Variants in CCDC171 observed in about 807,000 individuals in gnomAD.
CCDC171 encodes coiled-coil domain-containing protein 171.
A neutral mutation model predicts 168.2 loss-of-function variants in CCDC171; 177 were observed. The ratio of observed to expected loss-of-function variants is 1.05; its 90% CI spans 0.93 to 1.19. The LOEUF (loss-of-function observed/expected upper bound fraction) is 1.19. Ranked by LOEUF, CCDC171 falls within the 50% of genes most tolerant of loss-of-function variation. The pLI is 0.00. For missense variants in CCDC171, 1,991 were observed against 1,539.0 expected (o/e 1.29, Z -4.91); for synonymous variants, 687 against 540.8 (o/e 1.27, Z -3.75).
intron 23 of CCDC171, among the ~76,000 whole-genome samples, chr9:15,862,743 T>G (rs1033597910): frequency 6.6e-6 from 1 of 152,172 alleles, no homozygotes; most frequent in East Asian, 1.9e-4. Context: ...CAAACTTCTG[T>G]GTTAGTCCAA....
At chr9:15,796,896 G>A (rs927918245) in intron 21 of CCDC171, among the ~76,000 whole-genome samples, 2 of 152,196 alleles carry the variant, frequency 1.3e-5, no homozygotes, top group Non-Finnish European at 2.9e-5. Flanking sequence ...AGAAACCAGT[G>A]GGTGACTAGC....
chr9:15,726,092 A>G (rs988326929), intron 14 of CCDC171, among the ~76,000 whole-genome samples: 9 of 152,200 alleles, frequency 5.9e-5, no homozygotes, highest in African/African-American at 1.7e-4. Context: ...ATGAACATGA[A>G]TGCCAAGAGA....
At chr9:15,609,300 G>A (rs1467349933) in intron 6 of CCDC171, among the ~76,000 whole-genome samples, 6 of 151,902 alleles carry the variant, frequency 3.9e-5, no homozygotes. Context: ...GTAGAGACGG[G>A]GTTTCACCAT....
intron 3 of CCDC171, among the ~76,000 whole-genome samples, chr9:15,993,627 C>T (rs1030080570): frequency 1.3e-5 from 2 of 152,120 alleles, no homozygotes; most frequent in African/African-American, 4.8e-5. Flanking sequence ...TTCTGCACAG[C>T]AAAAGAAACT....
intron 11 of CCDC171, among the ~76,000 whole-genome samples, chr9:15,713,504 A>G (rs190133494): frequency 1.3e-5 from 2 of 152,304 alleles, no homozygotes; most frequent in Admixed American, 1.3e-4. Flanking sequence ...GCTCTTGTGT[A>G]TGCCAAAATT....
chr9:15,586,004 C>T (rs923103458), intron 4 of CCDC171, among the ~76,000 whole-genome samples: 1 of 152,022 alleles, frequency 6.6e-6, no homozygotes, highest in African/African-American at 2.4e-5. Context: ...ACTCCTTGAA[C>T]AGTACACTAA....
At chr9:15,796,380 C>T (rs571525537) in intron 21 of CCDC171, among the ~76,000 whole-genome samples, 31 of 151,988 alleles carry the variant, frequency 2.0e-4, no homozygotes, top group Non-Finnish European at 3.2e-4. Context: ...AAGTAGAGTA[C>T]CATAAGCACC....
intron 6 of CCDC171, among the ~76,000 whole-genome samples, chr9:16,032,716 C>G (rs1230640936): frequency 6.6e-6 from 1 of 152,104 alleles, no homozygotes; most frequent in East Asian, 1.9e-4. Context: ...CTCCTGGGCT[C>G]GAGTGATCCT....
intron 21 of CCDC171, among the ~76,000 whole-genome samples, chr9:15,813,318 T>C (rs1171011047): frequency 2.6e-5 from 4 of 152,180 alleles, no homozygotes; most frequent in Non-Finnish European, 4.4e-5. Context: ...TTAAAGATAG[T>C]GGAACTACAA....
chr9:15,555,118 C>A (rs1301939821), intron 1 of CCDC171, among the ~76,000 whole-genome samples: 1 of 152,112 alleles, frequency 6.6e-6, no homozygotes, highest in Non-Finnish European at 1.5e-5. Flanking sequence ...GCCTTTCTGG[C>A]TGGCACCTCC....
At chr9:15,841,372 G>A (rs952371511) in intron 21 of CCDC171, among the ~76,000 whole-genome samples, 5 of 152,048 alleles carry the variant, frequency 3.3e-5, no homozygotes, top group Admixed American at 6.6e-5. Context: ...ATGTAGAAGT[G>A]TAATTATTAA....
At chr9:15,567,025 TC>T (rs2039789701) in intron 2 of CCDC171, among the ~76,000 whole-genome samples, 1 of 130,236 alleles carries the variant, frequency 7.7e-6, no homozygotes, top group Admixed American at 9.1e-5. Context: ...GATCTACATG[TC>T]CTTTTTTTTT....
At chr9:16,053,739 A>G (rs746419632) in intron 1 of CCDC171, among the ~76,000 whole-genome samples, 4 of 152,162 alleles carry the variant, frequency 2.6e-5, no homozygotes, top group Non-Finnish European at 5.9e-5. Flanking sequence ...TGAGTCTGGC[A>G]CCTCAAGATG....
intron 3 of CCDC171, among the ~76,000 whole-genome samples, chr9:15,986,656 C>G (rs931162042): frequency 6.6e-6 from 1 of 152,166 alleles, no homozygotes; most frequent in Non-Finnish European, 1.5e-5. Context: ...GAGATGGAGA[C>G]CAACTTACTG....
chr9:15,806,386 C>G (rs2059078597), intron 21 of CCDC171, among the ~76,000 whole-genome samples: 1 of 152,036 alleles, frequency 6.6e-6, no homozygotes, highest in Admixed American at 6.6e-5. Context: ...TTTTCTTTTC[C>G]ATATTTAGTG....
At position 15,750,039 on chromosome 9, in the gene CCDC171, G is replaced by GTT. The variant is rs141719913; in HGVS notation, c.2671+4418_2671+4419dup. The stretch of plus-strand genomic sequence containing the variant: ...AAAAAAATCAGTGAATCCAGGAGCT[G>GTT]TTTTTTTTTTTAAAAGATCAACAAA... On this transcript the variant is annotated intron_variant, in intron 18 of 25. Coordinates refer to ENST00000380701, the MANE Select transcript of CCDC171 (RefSeq NM_173550.4). 2.5e-3 allele frequency among the ~76,000 whole-genome samples: 360 copies of GTT among 146,328 alleles called. 1 individual carries two copies. Among genetic ancestry groups the GTT allele is most frequent in the South Asian group, 5.4e-3 (25 of 4,598 alleles).
At chr9:15,681,721 T>C (rs1392429373) in intron 10 of CCDC171, among the ~76,000 whole-genome samples, 1 of 152,234 alleles carries the variant, frequency 6.6e-6, no homozygotes, top group South Asian at 2.1e-4. Flanking sequence ...AAGATGTTTC[T>C]CCCAAATTAA....
At chr9:15,578,519 C>T (rs2040856333) in intron 3 of CCDC171, among the ~76,000 whole-genome samples, 5 of 150,658 alleles carry the variant, frequency 3.3e-5, no homozygotes, top group South Asian at 2.1e-4. Flanking sequence ...ATCCTCCTGC[C>T]TTGGCCTCTC....
intron 1 of CCDC171, among the ~76,000 whole-genome samples, chr9:16,057,405 G>A (rs1215676936): frequency 1.3e-5 from 2 of 152,164 alleles, no homozygotes; most frequent in African/African-American, 4.8e-5. Context: ...TTTAAGATGT[G>A]CTGGTTTTGG....
Sources: allele counts gnomAD v4.1 joint callset (sites outside exome capture counted in the v4.1 genomes callset), GRCh38; gene constraint gnomAD v4.1.1; transcripts MANE v1.5; gene names NCBI Gene and HGNC (gene_info 2026-07-23, HGNC 2026-07-21).